Variants in COL19A1 observed in about 807,000 individuals in gnomAD.
COL19A1 encodes collagen type XIX alpha 1 chain.
COL19A1 carries 159 observed loss-of-function variants against 190.2 expected under a neutral mutation model. That is an observed-to-expected ratio of 0.84 (90% confidence interval 0.73 to 0.95). The LOEUF (loss-of-function observed/expected upper bound fraction) is 0.95. Ranked by LOEUF, COL19A1 falls within the 40% of genes least tolerant of loss-of-function variation. The pLI is 0.00. For synonymous variants in COL19A1, 509 were observed against 458.9 expected (o/e 1.11, Z -1.39); for missense variants, 1,418 against 1,431.9 (o/e 0.99, Z 0.16).
At chr6:70,142,308 A>G (rs1316525525) in intron 22 of COL19A1, among the ~76,000 whole-genome samples, 2 of 152,198 alleles carry the variant, frequency 1.3e-5, no homozygotes, top group Admixed American at 6.6e-5. Flanking sequence ...TATTCACAAT[A>G]GCATCCCTAA....
intron 34 of COL19A1, among the ~76,000 whole-genome samples, chr6:70,159,147 C>CAAAAAAAA (rs3840404): frequency 7.4e-6 from 1 of 135,376 alleles, no homozygotes; most frequent in Non-Finnish European, 1.6e-5. Context: ...CTAAAAGTAG[C>CAAAAAAAA]AAAAAAAAAA....
chr6:69,920,266 T>C (rs968622630), intron 4 of COL19A1, among the ~76,000 whole-genome samples: 37 of 152,204 alleles, frequency 2.4e-4, no homozygotes, highest in African/African-American at 8.4e-4. Context: ...GCTTGTACTA[T>C]AGTTAGTCAT....
intron 48 of COL19A1, among the ~76,000 whole-genome samples, chr6:70,192,680 A>G (rs1766956772): frequency 6.6e-6 from 1 of 152,226 alleles, no homozygotes; most frequent in South Asian, 2.1e-4. Flanking sequence ...TGCGGTGTTC[A>G]GTGCACAGTG....
At chr6:69,966,781 TAA>T (rs1015800778) in intron 11 of COL19A1, among the ~76,000 whole-genome samples, 4 of 132,220 alleles carry the variant, frequency 3.0e-5, no homozygotes, top group Non-Finnish European at 1.7e-5. Context: ...CTAAAAAAAT[TAA>T]AAAAAAAAAA....
chr6:70,189,998 C>T (rs1369713989), intron 47 of COL19A1, among the ~76,000 whole-genome samples: 1 of 152,158 alleles, frequency 6.6e-6, no homozygotes, highest in Non-Finnish European at 1.5e-5. Flanking sequence ...GATTATTTAA[C>T]CTTATAAAAT....
intron 9 of COL19A1, among the ~76,000 whole-genome samples, chr6:69,943,696 T>A (rs1441021614): frequency 4.6e-5 from 7 of 152,180 alleles, no homozygotes; most frequent in African/African-American, 1.7e-4. Context: ...CTGTCAAAAA[T>A]CAGTTGGTTG....
chr6:70,197,217 G>A (rs1767260467), intron 48 of COL19A1, among the ~76,000 whole-genome samples: 2 of 151,780 alleles, frequency 1.3e-5, no homozygotes, highest in South Asian at 4.2e-4. Flanking sequence ...TCAGGAGATC[G>A]AGACCATTCT....
chr6:69,915,926 C>T (rs1011281297), intron 4 of COL19A1, among the ~76,000 whole-genome samples: 2 of 148,994 alleles, frequency 1.3e-5, no homozygotes, highest in Admixed American at 6.7e-5. Flanking sequence ...AAATTACACT[C>T]ATCTCATCTT....
At chr6:70,021,625 A>G (rs1364641377) in intron 11 of COL19A1, among the ~76,000 whole-genome samples, 3 of 152,022 alleles carry the variant, frequency 2.0e-5, no homozygotes, top group Admixed American at 6.6e-5. Context: ...TTTAATTCTT[A>G]TTTTGCTTCC....
chr6:69,944,403 A>T (rs1424344417), intron 9 of COL19A1, among the ~76,000 whole-genome samples: 2 of 152,142 alleles, frequency 1.3e-5, no homozygotes, highest in Non-Finnish European at 2.9e-5. Context: ...AGGAAAGTTT[A>T]AATAATCAAC....
chr6:69,949,172 A>G (rs2150033050), intron 9 of COL19A1, among the ~76,000 whole-genome samples: 1 of 151,946 alleles, frequency 6.6e-6, no homozygotes, highest in Admixed American at 6.6e-5. Flanking sequence ...GGTGCTAAAT[A>G]TGGTAACAGA....
chr6:70,081,761 G>A (rs908365247), intron 15 of COL19A1, among the ~76,000 whole-genome samples: 1 of 151,994 alleles, frequency 6.6e-6, no homozygotes, highest in African/African-American at 2.4e-5. Context: ...AAAAATATTA[G>A]GATTATAGAA....
At chr6:69,930,614 C>G (rs543241712) in intron 6 of COL19A1, among the ~76,000 whole-genome samples, 46 of 151,924 alleles carry the variant, frequency 3.0e-4, no homozygotes, top group African/African-American at 9.7e-4. Flanking sequence ...GTCAGGAGAT[C>G]GAGACCATCC....
chr6:69,895,604 A>G (rs1769675217), intron 2 of COL19A1, among the ~76,000 whole-genome samples: 2 of 152,206 alleles, frequency 1.3e-5, no homozygotes, highest in East Asian at 1.9e-4. Flanking sequence ...TGTTCCACAC[A>G]GGAAGAGGAA....
chr6:70,110,778 G>T (rs545904784), intron 16 of COL19A1, among the ~76,000 whole-genome samples: 2 of 152,294 alleles, frequency 1.3e-5, no homozygotes, highest in East Asian at 3.9e-4. Context: ...TTTACTAATA[G>T]TGGTAACATT....
chr6:69,868,168 A>G (rs1410387939), intron 1 of COL19A1, among the ~76,000 whole-genome samples: 1 of 151,620 alleles, frequency 6.6e-6, no homozygotes, highest in Non-Finnish European at 1.5e-5. Flanking sequence ...GCCCGAATCA[A>G]ACACTGCTAT....
intron 27 of COL19A1, among the ~76,000 whole-genome samples, chr6:70,148,172 T>C (rs1786793566): frequency 6.6e-6 from 1 of 152,026 alleles, no homozygotes; most frequent in East Asian, 1.9e-4. Flanking sequence ...TAACTATATT[T>C]CCAGCCCCTC....
At chr6:69,867,040 T>A (rs1474772458) in intron 1 of COL19A1, among the ~76,000 whole-genome samples, 1 of 149,596 alleles carries the variant, frequency 6.7e-6, no homozygotes, top group Non-Finnish European at 1.5e-5. Context: ...ACAAAAAAAA[T>A]GGGGGGTTAA....
chr6:70,047,493 TG>T (rs1156844444), intron 14 of COL19A1, among the ~76,000 whole-genome samples: 1 of 152,148 alleles, frequency 6.6e-6, no homozygotes, highest in Non-Finnish European at 1.5e-5. Flanking sequence ...AAATATTTCA[TG>T]GTTTAATCAT....
Sources: gnomAD v4.1 joint callset for allele counts (sites outside exome capture counted in the v4.1 genomes callset) on GRCh38, gnomAD v4.1.1 for gene constraint, MANE v1.5 for transcripts, NCBI Gene and HGNC (gene_info 2026-07-23, HGNC 2026-07-21) for gene names.